TNFSF4: variants seen among roughly 807,000 people sequenced by gnomAD.
TNFSF4 encodes TNF superfamily member 4.
Under a neutral mutation model 7.3 loss-of-function variants are expected in TNFSF4, and 4 were observed. The observed-to-expected ratio is 0.55, with a 90% CI of 0.27 to 1.25. The LOEUF is 1.25. Ranked by LOEUF, TNFSF4 falls within the 50% of genes most tolerant of loss-of-function variation. The probability of loss-of-function intolerance (pLI) is 0.12; values close to 1 mark genes in which losing one functional copy is unlikely to be tolerated. For synonymous variants in TNFSF4, 76 were observed against 83.7 expected, an observed-to-expected ratio of 0.91 and a Z score of 0.50; for missense variants, 181 against 208.8, an observed-to-expected ratio of 0.87 and a Z score of 0.82.
In TNFSF4 at chr1:173,186,694, G is replaced by A; in HGVS notation, c.374C>T (p.Pro125Leu). Residue 125 changes from proline to leucine, a missense_variant, in exon 3 of 3, where the codon CCC becomes CTC. Coordinates refer to ENST00000281834, the MANE Select transcript of TNFSF4 (RefSeq NM_003326.5). ...CCTGACCTTCTTCAGTTGGAAGAGGGGCTCCTCATCCTTCTGGTAATGAAG... is the reference window on the plus strand; with the variant it reads ...CCTGACCTTCTTCAGTTGGAAGAGGAGCTCCTCATCCTTCTGGTAATGAAG... ...ISLHYQKDEE[P>L]LFQLKKVRSV... The A allele has an allele frequency of 6.2e-7, 1 of 1,614,132 alleles. No homozygotes were observed. The highest frequency in any genetic ancestry group is 8.5e-7 in the Non-Finnish European group (1 of 1,180,016).
At chr1:173,330,391 T>C in the TNFSF4 span, among the ~76,000 whole-genome samples, 1,434 of 151,632 alleles carry the variant, frequency 9.5e-3, 22 homozygotes, top group African/African-American at 0.032. Flanking sequence ...TTAATATTAA[T>C]ATGGTTGCAC....
the TNFSF4 span, among the ~76,000 whole-genome samples, chr1:173,434,238 C>T: frequency 6.6e-6 from 1 of 152,322 alleles, no homozygotes; most frequent in South Asian, 2.1e-4. Flanking sequence ...ACTTTACCTT[C>T]CCTTATATTT....
At chr1:173,351,874 C>T in the TNFSF4 span, 1 of 592,516 alleles carries the variant, frequency 1.7e-6, no homozygotes, top group Admixed American at 2.2e-5. Context: ...GGCATTCACC[C>T]CAGCAAGGCG....
chr1:173,181,848 T>A (rs996853929), downstream of TNFSF4, among the ~76,000 whole-genome samples: 2 of 152,202 alleles, frequency 1.3e-5, no homozygotes, highest in Non-Finnish European at 2.9e-5. Flanking sequence ...GTGGAGTGAA[T>A]GAGTGGCTAC....
chr1:173,340,447 G>A, the TNFSF4 span, among the ~76,000 whole-genome samples: 131 of 151,758 alleles, frequency 8.6e-4, no homozygotes, highest in Non-Finnish European at 1.6e-3. Flanking sequence ...GGAGCAAAAT[G>A]CAGGAAGCAG....
chr1:173,386,209 AC>A, the TNFSF4 span, among the ~76,000 whole-genome samples: 1 of 152,202 alleles, frequency 6.6e-6, no homozygotes, highest in East Asian at 1.9e-4. Context: ...TCTGTTCCCC[AC>A]ATTCTGGTGC....
chr1:173,428,600 T>C, the TNFSF4 span, among the ~76,000 whole-genome samples: 1 of 152,260 alleles, frequency 6.6e-6, no homozygotes, highest in Non-Finnish European at 1.5e-5. Flanking sequence ...TACTGACTAG[T>C]TTATGATATT....
At chr1:173,233,337 C>G in the TNFSF4 span, among the ~76,000 whole-genome samples, 2 of 152,102 alleles carry the variant, frequency 1.3e-5, no homozygotes, top group Non-Finnish European at 2.9e-5. Context: ...TGTGAAAAGA[C>G]CAAATCTACG....
chr1:173,371,725 C>T, the TNFSF4 span, among the ~76,000 whole-genome samples: 2 of 152,178 alleles, frequency 1.3e-5, no homozygotes, highest in Admixed American at 6.5e-5. Context: ...CCTCTATATG[C>T]AGCTGTACCC....
At chr1:173,432,480 G>A in the TNFSF4 span, among the ~76,000 whole-genome samples, 2 of 152,138 alleles carry the variant, frequency 1.3e-5, no homozygotes, top group Non-Finnish European at 2.9e-5. Context: ...CTCCACAAAC[G>A]CACACAGATG....
the TNFSF4 span, among the ~76,000 whole-genome samples, chr1:173,282,447 A>G: frequency 6.6e-6 from 1 of 150,434 alleles, no homozygotes; most frequent in Non-Finnish European, 1.5e-5. Flanking sequence ...GAATATGTTA[A>G]ATTTCACAGT....
the TNFSF4 span, among the ~76,000 whole-genome samples, chr1:173,221,085 G>T: frequency 6.6e-6 from 1 of 152,164 alleles, no homozygotes; most frequent in Non-Finnish European, 1.5e-5. Context: ...AGGCAGTAGG[G>T]CTGGTATTGG....
At chr1:173,203,707 GA>G (rs552024208) in intron 1 of TNFSF4, among the ~76,000 whole-genome samples, 4 of 152,056 alleles carry the variant, frequency 2.6e-5, no homozygotes, top group South Asian at 2.1e-4. Context: ...GATAAGAACT[GA>G]AAAAAAGTGA....
At chr1:173,380,451 C>T in the TNFSF4 span, among the ~76,000 whole-genome samples, 1 of 152,100 alleles carries the variant, frequency 6.6e-6, no homozygotes, top group East Asian at 1.9e-4. Context: ...ACTTCAAGCC[C>T]CAGCTGATCA....
At chr1:173,249,550 G>T in the TNFSF4 span, among the ~76,000 whole-genome samples, 2 of 152,186 alleles carry the variant, frequency 1.3e-5, no homozygotes, top group African/African-American at 4.8e-5. Context: ...TACACCACAG[G>T]GTGGGAGGAC....
the TNFSF4 span, among the ~76,000 whole-genome samples, chr1:173,435,846 TG>T: frequency 6.6e-6 from 1 of 152,222 alleles, no homozygotes; most frequent in African/African-American, 2.4e-5. Flanking sequence ...GCTTTACCCA[TG>T]AATGTCATTT....
intron 1 of TNFSF4, among the ~76,000 whole-genome samples, chr1:173,200,451 C>T (rs977348157): frequency 1.3e-5 from 2 of 152,156 alleles, no homozygotes; most frequent in Admixed American, 6.5e-5. Context: ...TTCTAAAAAA[C>T]GGTTTGAGTT....
At chr1:173,393,837 A>C in the TNFSF4 span, among the ~76,000 whole-genome samples, 1 of 152,234 alleles carries the variant, frequency 6.6e-6, no homozygotes, top group Non-Finnish European at 1.5e-5. Flanking sequence ...ACATGTGAGA[A>C]ACATCTGTAC....
the TNFSF4 span, among the ~76,000 whole-genome samples, chr1:173,221,966 G>C: frequency 6.6e-6 from 1 of 152,276 alleles, no homozygotes; most frequent in African/African-American, 2.4e-5. Context: ...AAGGCTTTAT[G>C]TAAGGGTTAA....
Sources: allele counts gnomAD v4.1 joint callset (sites outside exome capture counted in the v4.1 genomes callset), GRCh38; gene constraint gnomAD v4.1.1; transcripts MANE v1.5; gene names NCBI Gene and HGNC (gene_info 2026-07-23, HGNC 2026-07-21).